The following CSMD1 variants were observed in gnomAD, a reference collection of about 807,000 sequenced individuals.
The protein encoded by CSMD1 is CUB and sushi domain-containing protein 1.
A neutral mutation model predicts 417.5 loss-of-function variants in CSMD1; 213 were observed. That is an observed-to-expected ratio of 0.51 (90% CI 0.46 to 0.57). The LOEUF (loss-of-function observed/expected upper bound fraction) is 0.57. CSMD1 is among the 20% of genes least tolerant of loss of function. The pLI is 0.00. For missense variants in CSMD1, 6,923 were observed against 4,529.7 expected (o/e 1.53, Z -15.17); for synonymous variants, 2,862 against 1,736.8 (o/e 1.65, Z -16.11).
At chr8:4,009,675 G>T (rs931446175) in intron 4 of CSMD1, among the ~76,000 whole-genome samples, 8 of 152,004 alleles carry the variant, frequency 5.3e-5, no homozygotes, top group African/African-American at 1.9e-4. Context: ...GTAATACTGG[G>T]AGATATTATT....
At chr8:4,281,179 T>C (rs571803986) in intron 3 of CSMD1, among the ~76,000 whole-genome samples, 2 of 152,242 alleles carry the variant, frequency 1.3e-5, no homozygotes, top group East Asian at 1.9e-4. Flanking sequence ...TCAGGTCAAA[T>C]GTAAATAAAA....
intron 3 of CSMD1, among the ~76,000 whole-genome samples, chr8:4,217,902 A>C (rs561506191): frequency 6.6e-6 from 1 of 152,202 alleles, no homozygotes; most frequent in African/African-American, 2.4e-5. Flanking sequence ...AGATGAGACT[A>C]TGCAAAGAAG....
intron 7 of CSMD1, among the ~76,000 whole-genome samples, chr8:3,690,291 G>C (rs1288935367): frequency 2.0e-5 from 3 of 152,218 alleles, no homozygotes; most frequent in Non-Finnish European, 4.4e-5. Context: ...GAGCCCAGGA[G>C]GTGGCAGTGA....
intron 1 of CSMD1, among the ~76,000 whole-genome samples, chr8:4,903,248 G>A (rs756890854): frequency 1.1e-4 from 17 of 152,084 alleles, no homozygotes; most frequent in Non-Finnish European, 2.2e-4. Context: ...GCCAGACTTA[G>A]TGTGTCATCT....
At position 3,585,871 on chromosome 8, in the gene CSMD1, T is replaced by C. The variant is rs544995832; in HGVS notation, c.1222+265A>G. 1.7e-4 allele frequency among the ~76,000 whole-genome samples: 26 copies of C among 152,308 alleles called. No individual in the cohort carries two copies. The South Asian group carries it at 3.9e-3, about 23-fold the overall frequency. The stretch of plus-strand genomic sequence containing the variant: ...CATGCACACTGTTTGTGTGTATTGA[T>C]AGATACCAAGTTATACTCAGTATGT... On this transcript the variant is annotated intron_variant, in intron 9 of 69. Transcript: ENST00000635120.
intron 47 of CSMD1, among the ~76,000 whole-genome samples, chr8:3,092,325 T>C (rs1372628082): frequency 6.6e-6 from 1 of 152,128 alleles, no homozygotes; most frequent in African/African-American, 2.4e-5. Flanking sequence ...TAAAAATATA[T>C]ATTTAGAGAT....
intron 4 of CSMD1, among the ~76,000 whole-genome samples, chr8:4,014,273 G>C (rs989206577): frequency 1.3e-5 from 2 of 152,188 alleles, no homozygotes; most frequent in African/African-American, 4.8e-5. Flanking sequence ...TATGTACAGA[G>C]ACACTAATTA....
At chr8:3,937,703 T>G (rs181171623) in intron 5 of CSMD1, among the ~76,000 whole-genome samples, 25 of 152,168 alleles carry the variant, frequency 1.6e-4, no homozygotes, top group African/African-American at 6.0e-4. Context: ...AGACATCTTA[T>G]CAGACATTAT....
In CSMD1 at chr8:4,450,013, T is replaced by C. The variant is rs62481019; in HGVS notation, c.303-29948A>G. On this transcript the variant is annotated intron_variant, in intron 2 of 69. Transcript: ENST00000635120. ...CCTGTCCTAGCCATCTCTCCTGCTA[T>C]GGCCTGGGTGTCCTGTCCTTGATGA... Among the ~76,000 whole-genome samples, 1,356 of 152,350 alleles carry C rather than the reference T, an allele frequency of 8.9e-3. 11 individuals carry two copies. The highest frequency in any genetic ancestry group is 0.023 in the South Asian group (110 of 4,822).
chr8:3,730,240 C>T (rs975596803), intron 6 of CSMD1, among the ~76,000 whole-genome samples: 2 of 152,170 alleles, frequency 1.3e-5, no homozygotes, highest in African/African-American at 4.8e-5. Context: ...TGGTTAAATT[C>T]GAGATGAGAA....
intron 10 of CSMD1, among the ~76,000 whole-genome samples, chr8:3,523,620 T>G (rs539445109): frequency 6.7e-6 from 1 of 148,244 alleles, no homozygotes; most frequent in African/African-American, 2.5e-5. Context: ...CACACACACA[T>G]GCATGCACAC....
chr8:3,087,227 T>C lies in CSMD1; in HGVS notation c.7344A>G (p.Ala2448=), dbSNP rs1814597690. ...LKNGGILNRT[A]GAVGSKVHYF... ...AATGCACTTTGCTTCCAACCGCTCC[T>C]GCAGTCCTGTTTAGAATACCCCCAT... The change falls in exon 49 of 70, where the codon GCA becomes GCG. Residue 2448 remains alanine (A), a synonymous_variant. Transcript: ENST00000635120. The C allele has an allele frequency of 1.2e-6, 2 of 1,613,972 alleles. No homozygotes were observed. The highest frequency in any genetic ancestry group is 1.1e-5 in the South Asian group (1 of 91,078).
At chr8:4,167,127 T>C (rs944232373) in intron 3 of CSMD1, among the ~76,000 whole-genome samples, 10 of 152,182 alleles carry the variant, frequency 6.6e-5, no homozygotes, top group Admixed American at 3.3e-4. Context: ...AAACCCAAGA[T>C]GTTACTTAGG....
chr8:4,689,832 G>A (rs939834230), intron 1 of CSMD1, among the ~76,000 whole-genome samples: 2 of 152,072 alleles, frequency 1.3e-5, no homozygotes, highest in Non-Finnish European at 2.9e-5. Context: ...TCCCTTTCTG[G>A]TGCCTTTAAT....
chr8:3,794,871 ATCTC>A (rs71203478), intron 5 of CSMD1, among the ~76,000 whole-genome samples: 1 of 150,532 alleles, frequency 6.6e-6, no homozygotes, highest in Non-Finnish European at 1.5e-5. Context: ...TTTACCAATG[ATCTC>A]TCTCTCTCTC....
rs57960874 is a variant in CSMD1, at chr8:4,445,534, G to A, written c.303-25469C>T. On this transcript the variant is annotated intron_variant, in intron 2 of 69. Transcript: ENST00000635120. ...TACTTCATTGGTTTTGTTTTCATTT[G>A]GGTAGCTTGTGTGATAAAAATGGCT... Among the ~76,000 whole-genome samples the A allele has an allele frequency of 1.7e-3, 256 of 152,202 alleles. 6 individuals carry two copies. In the East Asian group the frequency reaches 0.039, roughly 23 times the overall value.
In CSMD1 at chr8:4,268,238, G is replaced by C. The variant is rs532588754; in HGVS notation, c.415+151715C>G. Among the ~76,000 whole-genome samples the C allele has an allele frequency of 1.5e-3, 231 of 152,224 alleles. 2 individuals carry two copies. The highest frequency in any genetic ancestry group is 3.0e-3 in the Admixed American group (46 of 15,286). ...TTTAAAGAAAATAATTGTAAGGTGA[G>C]CAAAAGATGGCATTCAAATACTAAT... On this transcript the variant is annotated intron_variant, in intron 3 of 69. Coordinates refer to ENST00000635120, the MANE Select transcript of CSMD1 (RefSeq NM_033225.6).
intron 6 of CSMD1, among the ~76,000 whole-genome samples, chr8:3,734,736 G>C (rs375773618): frequency 3.5e-4 from 54 of 152,232 alleles, no homozygotes; most frequent in Middle Eastern, 3.4e-3. Flanking sequence ...ATGAAATACA[G>C]AAACTCTCCT....
intron 3 of CSMD1, among the ~76,000 whole-genome samples, chr8:4,257,706 G>C (rs1003097758): frequency 1.3e-4 from 20 of 152,172 alleles, no homozygotes; most frequent in African/African-American, 4.8e-4. Flanking sequence ...TAACGTCAGT[G>C]TCACTGGGTA....
Sources: gnomAD v4.1 joint callset for allele counts (sites outside exome capture counted in the v4.1 genomes callset) on GRCh38, gnomAD v4.1.1 for gene constraint, MANE v1.5 for transcripts, NCBI Gene and HGNC (gene_info 2026-07-23, HGNC 2026-07-21) for gene names.